The following PDE12 variants were observed in gnomAD, a reference collection of about 807,000 sequenced individuals.
PDE12 encodes the protein phosphodiesterase 12.
A neutral mutation model predicts 45.4 loss-of-function variants in PDE12; 26 were observed. The ratio of observed to expected loss-of-function variants is 0.57; its 90% CI spans 0.42 to 0.79. The LOEUF (loss-of-function observed/expected upper bound fraction) is 0.79, where lower values mean the gene tolerates loss of function less well. PDE12 is among the 30% of genes least tolerant of loss of function. The pLI, the probability that PDE12 is intolerant of heterozygous loss-of-function variation, is 0.00. For missense variants in PDE12, 668 were observed against 790.0 expected, an observed-to-expected ratio of 0.85 and a Z score of 1.85; for synonymous variants, 283 against 323.9, an observed-to-expected ratio of 0.87 and a Z score of 1.36.
At chr3:57,591,852 C>A in the PDE12 span, among the ~76,000 whole-genome samples, 1 of 152,014 alleles carries the variant, frequency 6.6e-6, no homozygotes, top group Non-Finnish European at 1.5e-5. Context: ...ATGAAGTGTC[C>A]GGAATAGATT....
chr3:57,656,136 A>G, the PDE12 span, among the ~76,000 whole-genome samples: 2 of 152,242 alleles, frequency 1.3e-5, no homozygotes, highest in Non-Finnish European at 2.9e-5. Flanking sequence ...CCAAAGATCT[A>G]GAATAGTTCC....
chr3:57,631,278 C>T, the PDE12 span: 1 of 235,582 alleles, frequency 4.2e-6, no homozygotes, highest in Non-Finnish European at 8.2e-6. Flanking sequence ...CTCACTACAA[C>T]CTCTGCCCCC....
the PDE12 span, among the ~76,000 whole-genome samples, chr3:57,591,391 T>G: frequency 3.3e-5 from 5 of 151,940 alleles, no homozygotes; most frequent in Non-Finnish European, 7.4e-5. Flanking sequence ...TTATGTGAAT[T>G]TAATGAAAAG....
the PDE12 span, among the ~76,000 whole-genome samples, chr3:57,647,936 G>A: frequency 1.3e-5 from 2 of 152,082 alleles, no homozygotes; most frequent in Non-Finnish European, 2.9e-5. Flanking sequence ...GGGAAGCCAG[G>A]TGTAGAATGT....
the PDE12 span, among the ~76,000 whole-genome samples, chr3:57,606,922 A>C: frequency 6.6e-6 from 1 of 152,132 alleles, no homozygotes; most frequent in Non-Finnish European, 1.5e-5. Context: ...ATGGAGTCTG[A>C]GATCTGAGAA....
the PDE12 span, chr3:57,628,946 T>G: frequency 6.9e-7 from 1 of 1,454,024 alleles, no homozygotes; most frequent in East Asian, 2.3e-5. Context: ...CCTCTCTATT[T>G]CAATAGGTAA....
chr3:57,619,992 G>A, the PDE12 span, among the ~76,000 whole-genome samples: 1 of 152,214 alleles, frequency 6.6e-6, no homozygotes, highest in Non-Finnish European at 1.5e-5. Context: ...GGGAGGCTGA[G>A]GCAGATGGAT....
chr3:57,582,443 G>C, the PDE12 span, among the ~76,000 whole-genome samples: 1 of 151,948 alleles, frequency 6.6e-6, no homozygotes, highest in Non-Finnish European at 1.5e-5. Context: ...GGGTTTCACT[G>C]TGTTGGTCAG....
At chr3:57,610,186 G>C in the PDE12 span, among the ~76,000 whole-genome samples, 12 of 152,078 alleles carry the variant, frequency 7.9e-5, no homozygotes, top group African/African-American at 2.7e-4. Flanking sequence ...ATTCAACAAC[G>C]CTTCATGCTA....
chr3:57,642,867 G>A, the PDE12 span, among the ~76,000 whole-genome samples: 6 of 152,036 alleles, frequency 3.9e-5, no homozygotes, highest in Non-Finnish European at 7.4e-5. Context: ...TTAGCCAGGT[G>A]TGGTGGCAGG....
chr3:57,584,126 A>G, the PDE12 span: 49 of 769,004 alleles, frequency 6.4e-5, no homozygotes, highest in Non-Finnish European at 1.0e-4. Flanking sequence ...TAAAAAATAT[A>G]TTTAAGCCTA....
the PDE12 span, among the ~76,000 whole-genome samples, chr3:57,592,172 G>A: frequency 6.6e-6 from 1 of 151,974 alleles, no homozygotes; most frequent in East Asian, 1.9e-4. Context: ...CTGCCTTTAG[G>A]TTTTTCTGGT....
chr3:57,645,871 T>A, the PDE12 span: 2 of 688,374 alleles, frequency 2.9e-6, no homozygotes, highest in Non-Finnish European at 2.4e-6. Context: ...TTGTTTATTT[T>A]AATAAATGGT....
At chr3:57,596,881 G>A in the PDE12 span, 1 of 596,640 alleles carries the variant, frequency 1.7e-6, no homozygotes, top group Non-Finnish European at 2.9e-6. Context: ...GTCTCGTCTG[G>A]CGACAGATCG....
the PDE12 span, chr3:57,597,157 G>C: frequency 4.2e-5 from 67 of 1,610,850 alleles, no homozygotes; most frequent in Middle Eastern, 6.6e-4. Flanking sequence ...AGTGGCACTT[G>C]TGATGGGCAG....
At chr3:57,580,257 T>C in the PDE12 span, among the ~76,000 whole-genome samples, 1 of 152,174 alleles carries the variant, frequency 6.6e-6, no homozygotes, top group South Asian at 2.1e-4. Flanking sequence ...CTTCATAAGC[T>C]TGTTAAAGAT....
the PDE12 span, among the ~76,000 whole-genome samples, chr3:57,614,808 G>C: frequency 6.6e-6 from 1 of 151,574 alleles, no homozygotes; most frequent in African/African-American, 2.4e-5. Flanking sequence ...GCCTGACCAA[G>C]ATGATGAAAA....
At position 57,560,069 on chromosome 3, in the gene PDE12, A is replaced by G. The variant is rs562647604; in HGVS notation, c.*65A>G. On this transcript the variant is annotated 3_prime_UTR_variant, in exon 3 of 3. Coordinates refer to ENST00000311180, the MANE Select transcript of PDE12 (RefSeq NM_177966.7). ...TTATTTTAGCAGAAAATTTAATATG[A>G]ATCAAAGCTTATATGTAAACTTCAA... 30 of 1,524,788 alleles carry G rather than the reference A, an allele frequency of 2.0e-5. No homozygotes were observed. The East Asian group carries it at 6.3e-4, about 32-fold the overall frequency. 94.5% of individuals were successfully genotyped at this position (1,524,788 alleles called of 1,614,324 possible).
chr3:57,623,449 C>T, the PDE12 span, among the ~76,000 whole-genome samples: 6 of 152,128 alleles, frequency 3.9e-5, no homozygotes, highest in South Asian at 2.1e-4. Context: ...GAGGCTGAGG[C>T]GGGTGGATCA....
Sources: gnomAD v4.1 joint callset for allele counts (sites outside exome capture counted in the v4.1 genomes callset) on GRCh38, gnomAD v4.1.1 for gene constraint, MANE v1.5 for transcripts, NCBI Gene and HGNC (gene_info 2026-07-23, HGNC 2026-07-21) for gene names.